CHST9: variants seen among roughly 807,000 people sequenced by gnomAD.
CHST9 encodes carbohydrate sulfotransferase 9.
In CHST9, 41 loss-of-function variants were observed where a neutral mutation model predicts 44.4. That is an observed-to-expected ratio of 0.92 (90% CI 0.72 to 1.20). CHST9 has a LOEUF of 1.20. Ranked by LOEUF, CHST9 falls within the 50% of genes most tolerant of loss-of-function variation. The pLI, the probability that CHST9 is intolerant of heterozygous loss-of-function variation, is 0.00. For missense variants in CHST9, 504 were observed against 516.5 expected, an observed-to-expected ratio of 0.98 and a Z score of 0.23; for synonymous variants, 171 against 178.4, an observed-to-expected ratio of 0.96 and a Z score of 0.33.
intron 4 of CHST9, 68 bp downstream of exon 4, chr18:27,024,048 A>T: frequency 1.4e-6 from 2 of 1,439,792 alleles, no homozygotes; most frequent in Non-Finnish European, 1.9e-6. Flanking sequence ...AGGTTTTCAG[A>T]TATTCTAGTT....
At chr18:27,174,536 T>A (rs2058854292) in intron 1 of CHST9, among the ~76,000 whole-genome samples, 1 of 151,996 alleles carries the variant, frequency 6.6e-6, no homozygotes, top group South Asian at 2.1e-4. Context: ...TGTCCCCCCT[T>A]TTCAATTAAT....
chr18:27,159,910 T>G (rs548835826), intron 1 of CHST9, among the ~76,000 whole-genome samples: 4 of 152,218 alleles, frequency 2.6e-5, no homozygotes, highest in Non-Finnish European at 5.9e-5. Flanking sequence ...GCTCTCTATT[T>G]GTCTGTTATT....
chr18:26,975,225 T>TG (rs2056602636), intron 4 of CHST9, among the ~76,000 whole-genome samples: 1 of 152,038 alleles, frequency 6.6e-6, no homozygotes, highest in South Asian at 2.1e-4. Flanking sequence ...CCAGTGAGGG[T>TG]GGGGGGAAGA....
intron 2 of CHST9, among the ~76,000 whole-genome samples, chr18:27,061,928 C>A (rs781005479): frequency 3.3e-5 from 5 of 152,094 alleles, no homozygotes; most frequent in Non-Finnish European, 7.4e-5. Context: ...ATTGTACAAC[C>A]TTTGCCGACA....
intron 4 of CHST9, among the ~76,000 whole-genome samples, chr18:26,976,849 T>C (rs1406408793): frequency 2.0e-5 from 3 of 152,076 alleles, no homozygotes; most frequent in African/African-American, 7.2e-5. Flanking sequence ...CAGAGTTTAG[T>C]AGAAGGAAAA....
At chr18:27,003,912 TG>T (rs1433333754) in intron 4 of CHST9, among the ~76,000 whole-genome samples, 1 of 152,114 alleles carries the variant, frequency 6.6e-6, no homozygotes, top group Non-Finnish European at 1.5e-5. Flanking sequence ...CCCATTTACT[TG>T]ATCAGTGTGA....
At chr18:26,959,939 A>T (rs993503591) in intron 4 of CHST9, among the ~76,000 whole-genome samples, 4 of 152,152 alleles carry the variant, frequency 2.6e-5, no homozygotes, top group Non-Finnish European at 5.9e-5. Flanking sequence ...GGATTTGAAG[A>T]TTCAGATGAG....
At chr18:27,134,893 C>T (rs899387802) in intron 2 of CHST9, among the ~76,000 whole-genome samples, 3 of 152,056 alleles carry the variant, frequency 2.0e-5, no homozygotes, top group African/African-American at 7.2e-5. Flanking sequence ...TAAAAAGTTT[C>T]TGAGTTCTGG....
chr18:26,989,681 C>T (rs773386255), intron 4 of CHST9, among the ~76,000 whole-genome samples: 10 of 152,224 alleles, frequency 6.6e-5, no homozygotes, highest in Non-Finnish European at 1.3e-4. Context: ...AAATATTCAT[C>T]GAGGCTGCGC....
rs2307560 is a variant in CHST9, at chr18:26,910,323, AACCTCACT to A, written c.*5928_*5935del. ...AGGATATGGAAACCCGGAATGGGAT[AACCTCACT>A]ACCTGCACAACACAAATAGGGTCAA... On this transcript the variant is annotated 3_prime_UTR_variant, in exon 6 of 6. Coordinates refer to ENST00000618847, the MANE Select transcript of CHST9 (RefSeq NM_031422.6). The A allele has an allele frequency of 0.84, 127,173 of 151,538 alleles. 53,480 individuals carry two copies. Among genetic ancestry groups the A allele is most frequent in the African/African-American group, 0.88 (36,609 of 41,380 alleles). The allele number at this position is 151,538 out of a possible 1,614,324, so 9.4% of individuals were successfully genotyped here.
At chr18:27,061,654 G>A (rs1012330470) in intron 2 of CHST9, among the ~76,000 whole-genome samples, 5 of 152,096 alleles carry the variant, frequency 3.3e-5, no homozygotes, top group African/African-American at 1.2e-4. Context: ...TCCAAGGCCC[G>A]AGGAGTGTTC....
chr18:26,946,972 T>C (rs1367513859), intron 4 of CHST9, among the ~76,000 whole-genome samples: 2 of 152,186 alleles, frequency 1.3e-5, no homozygotes, highest in East Asian at 3.8e-4. Context: ...GCTTTGTTCT[T>C]TTTGCTTAGG....
intron 2 of CHST9, among the ~76,000 whole-genome samples, chr18:27,054,515 G>A (rs528432478): frequency 3.9e-5 from 6 of 151,990 alleles, no homozygotes; most frequent in African/African-American, 9.7e-5. Context: ...CTAAAGTTCC[G>A]CATCTCATGA....
Position 27,062,477 on chromosome 18 carries a change from C to A in CHST9, c.122-13974G>T, listed in dbSNP as rs563081414. ...GTTTCCAGCTTCATCCATGTCCCCA[C>A]AAAGGACATGAACTCATCCTTTTTT... On this transcript the variant is annotated intron_variant, in intron 2 of 5. Coordinates refer to ENST00000618847, the MANE Select transcript of CHST9 (RefSeq NM_031422.6). Among the ~76,000 whole-genome samples the A allele has an allele frequency of 2.6e-5, 4 of 152,304 alleles. No homozygotes were observed. The South Asian group carries it at 8.3e-4, about 32-fold the overall frequency.
chr18:27,141,256 T>C (rs2058562421), intron 2 of CHST9, among the ~76,000 whole-genome samples: 1 of 151,862 alleles, frequency 6.6e-6, no homozygotes, highest in Non-Finnish European at 1.5e-5. Context: ...TCCCAGCTAC[T>C]TGGGAGGCTG....
chr18:27,149,819 T>G lies in CHST9; in HGVS notation c.-96-6914A>C, dbSNP rs139739949. On this transcript the variant is annotated intron_variant, in intron 1 of 5. Transcript: ENST00000618847. The stretch of plus-strand genomic sequence containing the variant: ...CTTAGTGTTTATTTTGCCTGTTGTG[T>G]TTTCCTAATGCCGTATTTTTCATTT... 5.8e-3 allele frequency among the ~76,000 whole-genome samples: 885 copies of G among 152,198 alleles called. 13 individuals are homozygous for G. Among genetic ancestry groups the G allele is most frequent in the African/African-American group, 0.02 (839 of 41,570 alleles).
At chr18:26,949,108 C>T (rs1053930623) in intron 4 of CHST9, among the ~76,000 whole-genome samples, 3 of 151,934 alleles carry the variant, frequency 2.0e-5, no homozygotes, top group Non-Finnish European at 2.9e-5. Context: ...GGTGTGGAGA[C>T]GGGTTGAAGG....
intron 2 of CHST9, among the ~76,000 whole-genome samples, chr18:27,100,120 A>G (rs886517175): frequency 6.6e-6 from 1 of 152,178 alleles, no homozygotes; most frequent in Non-Finnish European, 1.5e-5. Context: ...ACACGAGTGC[A>G]GCTGGAAACA....
At chr18:26,985,845 T>C (rs866089907) in intron 4 of CHST9, among the ~76,000 whole-genome samples, 6 of 152,204 alleles carry the variant, frequency 3.9e-5, no homozygotes, top group African/African-American at 1.4e-4. Context: ...TTTTAGGGCA[T>C]TGAGTAGATG....
Sources: gnomAD v4.1 joint callset for allele counts (sites outside exome capture counted in the v4.1 genomes callset) on GRCh38, gnomAD v4.1.1 for gene constraint, MANE v1.5 for transcripts, NCBI Gene and HGNC (gene_info 2026-07-23, HGNC 2026-07-21) for gene names.